The following HBE1 variants were observed in gnomAD, a reference collection of about 807,000 sequenced individuals.
HBE1 encodes the protein hemoglobin subunit epsilon.
A neutral mutation model predicts 12.1 loss-of-function variants in HBE1; 10 were observed. The observed-to-expected ratio is 0.83, with a 90% CI of 0.51 to 1.40. The LOEUF (loss-of-function observed/expected upper bound fraction) is 1.40, where lower values mean the gene tolerates loss of function less well. HBE1 is among the 40% of genes most tolerant of loss of function. The pLI is 0.00. For missense variants in HBE1, 172 were observed against 175.8 expected (o/e 0.98, Z 0.12); for synonymous variants, 78 against 70.4 (o/e 1.11, Z -0.54).
At chr11:5,269,296 T>C (rs953990456) in intron 2 of HBE1, among the ~76,000 whole-genome samples, 158 bp downstream of exon 2, 6 of 152,218 alleles carry the variant, frequency 3.9e-5, no homozygotes, top group African/African-American at 1.4e-4. Context: ...TTCTGAATCA[T>C]GTAAGTTTTG....
rs1013515315 is a variant in HBE1, at chr11:5,268,472, G to C, written c.441C>G (p.His147Gln). 42 of 1,613,560 alleles carry C rather than the reference G, an allele frequency of 2.6e-5. No homozygotes were observed. Among genetic ancestry groups the C allele is most frequent in the Non-Finnish European group, 3.6e-5 (42 of 1,179,722 alleles). The change falls in exon 3 of 3, where the codon CAC (histidine) becomes CAG (glutamine). Residue 147 changes from histidine to glutamine, a missense_variant. His to Gln is a conservative substitution (Grantham distance 24). Coordinates refer to ENST00000396895, the MANE Select transcript of HBE1 (RefSeq NM_005330.4). ...CACCTGCAAACTGGAAGAGAACTCA[G>C]TGGTACTTATGGGCCAGGGCAATGG... The part of the protein sequence containing the change: ...AVAIALAHKY[H>Q]
At position 5,268,436 on chromosome 11, in the gene HBE1, G is replaced by T; in HGVS notation, c.*33C>A. ...CCCATGTGCAGAAGGAGGGTGTCAG[G>T]GTCACAGGAACACCTGCAAACTGGA... is the stretch of plus-strand genomic sequence containing the variant. On this transcript the variant is annotated 3_prime_UTR_variant, in exon 3 of 3. Coordinates refer to ENST00000396895, the MANE Select transcript of HBE1 (RefSeq NM_005330.4). 1 of 1,602,278 alleles carries T rather than the reference G, an allele frequency of 6.2e-7. No homozygotes were observed. The highest frequency in any genetic ancestry group is 8.5e-7 in the Non-Finnish European group (1 of 1,170,878).
intron 2 of HBE1, among the ~76,000 whole-genome samples, 154 bp from the exon 3 acceptor site, chr11:5,268,751 C>CA (rs1364847191): frequency 6.6e-6 from 1 of 152,158 alleles, no homozygotes; most frequent in Non-Finnish European, 1.5e-5. Flanking sequence ...TGTGCCCACC[C>CA]AAAAAATTCA....
rs1224076618 is a variant in HBE1, at chr11:5,269,905, G to C, written c.-15C>G. 6.3e-7 allele frequency: 1 copy of C among 1,586,284 alleles called. No homozygotes were observed. ...AAATGCACCATGATGCCAGGCCTGA[G>C]AGCTTGCTAGTGATTGCAGCTGTGT... is the stretch of plus-strand genomic sequence containing the variant. On this transcript the variant is annotated 5_prime_UTR_variant, in exon 1 of 3. Transcript: ENST00000396895.
chr11:5,268,428 G>T lies in HBE1; in HGVS notation c.*41C>A, dbSNP rs897961276. ...GCCCAGTCCCCATGTGCAGAAGGAG[G>T]GTGTCAGGGTCACAGGAACACCTGC... On this transcript the variant is annotated 3_prime_UTR_variant, in exon 3 of 3. Transcript: ENST00000396895. 8 of 1,587,886 alleles carry T rather than the reference G, an allele frequency of 5.0e-6. No individual in the cohort carries two copies. The highest frequency in any genetic ancestry group is 4.0e-5 in the African/African-American group (3 of 74,378).
chr11:5,269,344 C>G (rs909491735), intron 2 of HBE1, 110 bp downstream of exon 2: 1 of 857,834 alleles, frequency 1.2e-6, no homozygotes, highest in Non-Finnish European at 2.0e-6. Context: ...TAACATCAAG[C>G]TCGACCCATG....
At position 5,269,513 on chromosome 11, in the gene HBE1, AG is replaced by A. The variant is rs1370871517; in HGVS notation, c.255del (p.Phe86LeufsTer4). ...CAGTGCAGCTCACTCAGCTTAGCAA[AG>A]GCGGGCTTGAGGTTGTCCATGTTTT... is the stretch of plus-strand genomic sequence containing the variant. ...AIKNMDNLKPAFAKLSELHCD... is the reference protein window; with the variant it reads ...AIKNMDNLKPXFAKLSELHCD... On this transcript the variant is annotated frameshift_variant, in exon 2 of 3. Transcript: ENST00000396895. LOFTEE classifies it high-confidence loss of function. 5 of 1,614,100 alleles carry A rather than the reference AG, an allele frequency of 3.1e-6. No homozygotes were observed. The Middle Eastern group carries it at 5.0e-4, about 160-fold the overall frequency.
At chr11:5,268,680 A>ACC in intron 2 of HBE1, 83 bp from the exon 3 acceptor site, 2 of 1,366,370 alleles carry the variant, frequency 1.5e-6, no homozygotes, top group Non-Finnish European at 2.1e-6. Flanking sequence ...CAAACAAACA[A>ACC]ACAAAAACGG....
intron 1 of HBE1, 42 bp downstream of exon 1, chr11:5,269,757 A>G: frequency 2.5e-6 from 4 of 1,571,754 alleles, no homozygotes; most frequent in Non-Finnish European, 3.5e-6. Context: ...TGCTAGGGTA[A>G]TATTCACCCT....
At chr11:5,268,764 T>G (rs1390247462) in intron 2 of HBE1, among the ~76,000 whole-genome samples, 167 bp from the exon 3 acceptor site, 1 of 152,184 alleles carries the variant, frequency 6.6e-6, no homozygotes, top group Non-Finnish European at 1.5e-5. Flanking sequence ...AAAATTCAGA[T>G]GAGCTTAGGT....
intron 2 of HBE1, 41 bp from the exon 3 acceptor site, chr11:5,268,638 T>A (rs1848159611): frequency 6.3e-7 from 1 of 1,586,460 alleles, no homozygotes; most frequent in South Asian, 1.1e-5. Context: ...GCATGTTGAG[T>A]AGAAGTTTCC....
intron 2 of HBE1, among the ~76,000 whole-genome samples, chr11:5,268,965 G>A (rs1442570068): frequency 2.6e-5 from 4 of 152,030 alleles, no homozygotes; most frequent in Non-Finnish European, 5.9e-5. Flanking sequence ...CAACAAATTC[G>A]GAAACAAGCC....
intron 2 of HBE1, 35 bp from the exon 3 acceptor site, chr11:5,268,632 G>T: frequency 6.3e-7 from 1 of 1,582,818 alleles, no homozygotes; most frequent in Non-Finnish European, 8.6e-7. Flanking sequence ...ACACAGGCAT[G>T]TTGAGTAGAA....
At chr11:5,269,777 T>C (rs374771036) in intron 1 of HBE1, 22 bp downstream of exon 1, 17 of 1,573,476 alleles carry the variant, frequency 1.1e-5, no homozygotes, top group Middle Eastern at 3.3e-4. Context: ...TTCATTCCCA[T>C]GCATTGAGAA....
chr11:5,268,660 G>T, intron 2 of HBE1, 63 bp from the exon 3 acceptor site: 9 of 1,242,124 alleles, frequency 7.2e-6, no homozygotes, highest in Admixed American at 2.2e-5. Flanking sequence ...AAAACAACTT[G>T]ATGAAAAAAC....
At chr11:5,268,695 A>G in intron 2 of HBE1, 98 bp from the exon 3 acceptor site, 4 of 1,111,374 alleles carry the variant, frequency 3.6e-6, no homozygotes, top group Non-Finnish European at 5.3e-6. Flanking sequence ...AAACGGCTTT[A>G]TACCTACATT....
chr11:5,269,740 A>G, intron 1 of HBE1, 59 bp downstream of exon 1: 1 of 1,571,606 alleles, frequency 6.4e-7, no homozygotes, highest in South Asian at 1.1e-5. Flanking sequence ...GACTTTCCCA[A>G]TCAACTTGCT....
rs1301082909 is a variant in HBE1 at position 5,269,516 on chromosome 11, C to G, written c.253G>C (p.Ala85Pro). The G allele has an allele frequency of 6.2e-7, 1 of 1,613,896 alleles. No individual in the cohort carries two copies. Among genetic ancestry groups the G allele is most frequent in the Non-Finnish European group, 8.5e-7 (1 of 1,179,948 alleles). Residue 85 changes from alanine (A) to proline (P), a missense_variant, in exon 2 of 3, where the codon GCC becomes CCC. Ala to Pro is a conservative substitution (Grantham distance 27). Transcript: ENST00000396895. ...TGCAGCTCACTCAGCTTAGCAAAGGCGGGCTTGAGGTTGTCCATGTTTTTA... is the reference window on the plus strand; with the variant it reads ...TGCAGCTCACTCAGCTTAGCAAAGGGGGGCTTGAGGTTGTCCATGTTTTTA... ...AIKNMDNLKPAFAKLSELHCD... is the reference protein window; with the variant it reads ...AIKNMDNLKPPFAKLSELHCD...
In HBE1 at chr11:5,269,944, G is replaced by GTGC; in HGVS notation, c.-55_-54insGCA. On this transcript the variant is annotated 5_prime_UTR_variant, in exon 1 of 3. Coordinates refer to ENST00000396895, the MANE Select transcript of HBE1 (RefSeq NM_005330.4). ...TTGCAGCTGTGTCGGAAGCAGATAT[G>GTGC]TGCTGCTGCCTCTCTGTCTGGCCTT... 1 of 1,254,138 alleles carries GTGC rather than the reference G, an allele frequency of 8.0e-7. No individual in the cohort carries two copies. The highest frequency in any genetic ancestry group is 1.2e-6 in the Non-Finnish European group (1 of 857,322). The allele number at this position is 1,254,138 out of a possible 1,614,324, so 77.7% of individuals were successfully genotyped here. A position where few individuals can be genotyped will look rare whatever the true frequency, so the allele number is the denominator to read the frequency against.
Sources: allele counts gnomAD v4.1 joint callset (sites outside exome capture counted in the v4.1 genomes callset), GRCh38; gene constraint gnomAD v4.1.1; transcripts MANE v1.5; gene names NCBI Gene and HGNC (gene_info 2026-07-23, HGNC 2026-07-21).